Variants in CNTRL observed in about 807,000 individuals in gnomAD.
CNTRL encodes 110 kDa centrosomal protein.
CNTRL carries 233 observed loss-of-function variants against 303.7 expected under a neutral mutation model. That is an observed-to-expected ratio of 0.77 (90% CI 0.69 to 0.86). CNTRL has a LOEUF of 0.86. Among genes scored for constraint, CNTRL ranks in the 40% least tolerant of loss-of-function variants. CNTRL has a pLI of 0.00. For synonymous variants in CNTRL, 900 were observed against 922.2 expected, an observed-to-expected ratio of 0.98 and a Z score of 0.44; for missense variants, 2,524 against 2,650.6, an observed-to-expected ratio of 0.95 and a Z score of 1.05.
intron 12 of CNTRL, among the ~76,000 whole-genome samples, chr9:121,121,499 TCA>T (rs2050220716): frequency 6.6e-6 from 1 of 152,238 alleles, no homozygotes; most frequent in Non-Finnish European, 1.5e-5. Flanking sequence ...GGTTTCAAAT[TCA>T]CAGACTATTT....
intron 31 of CNTRL, 107 bp from the exon 32 acceptor site, chr9:121,160,036 C>T: frequency 8.2e-6 from 7 of 854,814 alleles, no homozygotes; most frequent in Non-Finnish European, 1.2e-5. Context: ...GAGCTTGTTT[C>T]CAAATTAGAA....
intron 23 of CNTRL, 98 bp from the exon 24 acceptor site, chr9:121,148,574 A>C: frequency 8.9e-7 from 1 of 1,129,052 alleles, no homozygotes; most frequent in Non-Finnish European, 1.3e-6. Flanking sequence ...TTCTTTCTCA[A>C]CCTTGCTACA....
chr9:121,087,519 C>T (rs2048392063), intron 2 of CNTRL, among the ~76,000 whole-genome samples: 1 of 152,054 alleles, frequency 6.6e-6, no homozygotes, highest in South Asian at 2.1e-4. Flanking sequence ...GGCGAAACCC[C>T]ATCTCTACTA....
At chr9:121,076,136 C>T (rs2047914853) in intron 1 of CNTRL, among the ~76,000 whole-genome samples, 1 of 152,162 alleles carries the variant, frequency 6.6e-6, no homozygotes, top group African/African-American at 2.4e-5. Context: ...AGGCAACAAC[C>T]AAGTAGTTTC....
chr9:121,139,554 C>T (rs1262665338), intron 16 of CNTRL, among the ~76,000 whole-genome samples: 10 of 152,172 alleles, frequency 6.6e-5, no homozygotes, highest in African/African-American at 2.4e-4. Context: ...TTTTACTGCT[C>T]TCAGTTCCAC....
At chr9:121,092,834 G>A (rs1318925495) in intron 4 of CNTRL, among the ~76,000 whole-genome samples, 1 of 112,464 alleles carries the variant, frequency 8.9e-6, no homozygotes, top group African/African-American at 3.7e-5. Flanking sequence ...TTTTTTTGGA[G>A]TCTCGCTCTC....
chr9:121,088,642 A>G (rs1218439698), intron 3 of CNTRL, 99 bp downstream of exon 3: 1 of 680,686 alleles, frequency 1.5e-6, no homozygotes, highest in Non-Finnish European at 2.5e-6. Flanking sequence ...ACATTCTGGT[A>G]CTAATTTGAT....
intron 38 of CNTRL, 129 bp from the exon 39 acceptor site, chr9:121,169,482 C>A: frequency 2.2e-6 from 2 of 898,760 alleles, no homozygotes; most frequent in Non-Finnish European, 3.4e-6. Flanking sequence ...GCTTGTACGA[C>A]TTTGTAATGG....
chr9:121,122,088 A>C (rs1476429856), intron 12 of CNTRL: 1 of 262,746 alleles, frequency 3.8e-6, no homozygotes, highest in Non-Finnish European at 5.9e-6. Flanking sequence ...GTTCCCATGT[A>C]TTTAATGTAC....
intron 38 of CNTRL, among the ~76,000 whole-genome samples, chr9:121,168,948 C>A (rs1327164533): frequency 6.6e-6 from 1 of 152,088 alleles, no homozygotes; most frequent in African/African-American, 2.4e-5. Flanking sequence ...CCAATCATTT[C>A]ATTATGAAAA....
At chr9:121,157,013 TA>T (rs2052607609) in intron 27 of CNTRL, among the ~76,000 whole-genome samples, 2 of 152,266 alleles carry the variant, frequency 1.3e-5, no homozygotes, top group African/African-American at 4.8e-5. Context: ...TATTTTGAAA[TA>T]AAAAGCATCT....
chr9:121,168,092 T>G lies in CNTRL; in HGVS notation c.5845-4T>G. On this transcript the variant is annotated splice_region_variant and splice_polypyrimidine_tract_variant and intron_variant, in intron 37 of 43. Coordinates refer to ENST00000373855, the MANE Select transcript of CNTRL (RefSeq NM_007018.6). The stretch of plus-strand genomic sequence containing the variant: ...ATGACTAATCAAGATTATTCTTTAT[T>G]AAGATGTTTCAGAGACTCCAGAAAG... 2 of 1,607,660 alleles carry G rather than the reference T, an allele frequency of 1.2e-6. No homozygotes were observed. Among genetic ancestry groups the G allele is most frequent in the Non-Finnish European group, 8.5e-7 (1 of 1,177,506 alleles).
At chr9:121,081,738 A>T (rs2048149416) in intron 2 of CNTRL, among the ~76,000 whole-genome samples, 1 of 152,234 alleles carries the variant, frequency 6.6e-6, no homozygotes, top group Non-Finnish European at 1.5e-5. Context: ...CATCTTCCAG[A>T]CACCTCCACA....
At chr9:121,123,148 A>T (rs1204066678) in intron 12 of CNTRL, among the ~76,000 whole-genome samples, 1 of 150,348 alleles carries the variant, frequency 6.7e-6, no homozygotes, top group East Asian at 2.0e-4. Context: ...ATATAAAAAT[A>T]CTCATTACAA....
At position 121,144,951 on chromosome 9, in the gene CNTRL, G is replaced by A. The variant is rs764239821; in HGVS notation, c.3160G>A (p.Gly1054Arg). 3 of 1,612,980 alleles carry A rather than the reference G, an allele frequency of 1.9e-6. No homozygotes were observed. Among genetic ancestry groups the A allele is most frequent in the Non-Finnish European group, 8.5e-7 (1 of 1,179,300 alleles). ...CCTGCAGAATCTCCTCAGGCAGAAG[G>A]GGGAGCAGGTCAGTGTTGGTACCCA... is the stretch of plus-strand genomic sequence containing the variant. ...ELLQNLLRQK[G>R]EQFRLEMEKT... Residue 1054 changes from glycine (G) to arginine (R), a missense_variant, in exon 21 of 44, where the codon GGG (glycine) becomes AGG (arginine). Transcript: ENST00000373855.
chr9:121,173,430 G>A lies in CNTRL; in HGVS notation c.6605G>A (p.Ser2202Asn). The change falls in exon 41 of 44, where the codon AGC becomes AAC. Residue 2202 changes from serine to asparagine, a missense_variant. Coordinates refer to ENST00000373855, the MANE Select transcript of CNTRL (RefSeq NM_007018.6). ...GAAAACCTAGAAGGAGAATTGGAAAGCTTGAAAGAGAACCTTCCATTTACC... is the reference window on the plus strand; with the variant it reads ...GAAAACCTAGAAGGAGAATTGGAAAACTTGAAAGAGAACCTTCCATTTACC... ...RNENLEGELE[S>N]LKENLPFTMN... 1 of 1,614,006 alleles carries A rather than the reference G, an allele frequency of 6.2e-7. No homozygotes were observed. The highest frequency in any genetic ancestry group is 8.5e-7 in the Non-Finnish European group (1 of 1,180,008).
chr9:121,162,359 A>T (rs1319381637), intron 34 of CNTRL, 88 bp downstream of exon 34: 1 of 1,146,266 alleles, frequency 8.7e-7, no homozygotes, highest in Non-Finnish European at 1.3e-6. Flanking sequence ...AAAATAGAGA[A>T]AAAGATAAAA....
Position 121,140,667 on chromosome 9 carries a change from A to G in CNTRL, c.2364A>G (p.Gln788=), listed in dbSNP as rs145006037. ...LQDDNNLLKQ[Q]LKDFQNHLNH... ...ATGACAATAATCTGTTAAAACAGCA[A>G]CTTAAAGATTTCCAGAATCACCTTA... Residue 788 remains glutamine (Q), a synonymous_variant, in exon 17 of 44, where the codon CAA becomes CAG. Transcript: ENST00000373855. The G allele has an allele frequency of 1.2e-6, 2 of 1,612,626 alleles. No homozygotes were observed. The highest frequency in any genetic ancestry group is 2.7e-5 in the African/African-American group (2 of 75,036).
chr9:121,168,344 C>A (rs749544282), intron 38 of CNTRL, 23 bp downstream of exon 38: 5 of 1,596,754 alleles, frequency 3.1e-6, no homozygotes, highest in Non-Finnish European at 4.3e-6. Flanking sequence ...GAACTTCTCA[C>A]TGGGAGATGG....
Sources: allele counts gnomAD v4.1 joint callset (sites outside exome capture counted in the v4.1 genomes callset), GRCh38; gene constraint gnomAD v4.1.1; transcripts MANE v1.5; gene names NCBI Gene and HGNC (gene_info 2026-07-23, HGNC 2026-07-21).